The following STK39 variants were observed in gnomAD, a reference collection of about 807,000 sequenced individuals.
STK39 encodes the protein serine/threonine kinase 39.
STK39 carries 20 observed loss-of-function variants against 77.8 expected under a neutral mutation model. The observed-to-expected ratio is 0.26, with a 90% CI of 0.18 to 0.37. The LOEUF (loss-of-function observed/expected upper bound fraction) is 0.37. Ranked by LOEUF, STK39 falls within the 10% of genes least tolerant of loss-of-function variation. The pLI is 1.00. For synonymous variants in STK39, 246 were observed against 234.1 expected (o/e 1.05, Z -0.47); for missense variants, 479 against 656.5 (o/e 0.73, Z 2.95).
rs545837415 is a variant in STK39 at position 168,102,493 on chromosome 2, G to A, written c.1089+27048C>T. 1.2e-4 allele frequency among the ~76,000 whole-genome samples: 18 copies of A among 152,274 alleles called. No individual in the cohort carries two copies. The South Asian group carries it at 3.7e-3, about 32-fold the overall frequency. ...GTTCAGTGACTGATTAAAGATAAAA[G>A]TCATATGCAGATTCTGCACTCTCCA... On this transcript the variant is annotated intron_variant, in intron 10 of 17. Coordinates refer to ENST00000355999, the MANE Select transcript of STK39 (RefSeq NM_013233.3).
chr2:168,084,833 A>T (rs1559089511), intron 10 of STK39, among the ~76,000 whole-genome samples: 1 of 152,234 alleles, frequency 6.6e-6, no homozygotes, highest in African/African-American at 2.4e-5. Context: ...CCCAGGGTGA[A>T]ACTGCACAAC....
intron 10 of STK39, among the ~76,000 whole-genome samples, chr2:168,086,912 C>T (rs1370873518): frequency 6.6e-6 from 1 of 152,184 alleles, no homozygotes; most frequent in African/African-American, 2.4e-5. Flanking sequence ...TCCAATATGG[C>T]ATTTCCCCAA....
At chr2:168,009,907 C>A (rs1162312675) in intron 16 of STK39, among the ~76,000 whole-genome samples, 1 of 152,142 alleles carries the variant, frequency 6.6e-6, no homozygotes, top group African/African-American at 2.4e-5. Flanking sequence ...ATGAAGTCTG[C>A]CTTAATTTCC....
At position 168,061,939 on chromosome 2, in the gene STK39, C is replaced by T. The variant is rs1685675961; in HGVS notation, c.1376+1561G>A. ...ATATTTGCACTAAGGGGGAGAATTA[C>T]AGCCCATAGGAGCCCAGAACAGAAA... On this transcript the variant is annotated intron_variant, in intron 14 of 17. Coordinates refer to ENST00000355999, the MANE Select transcript of STK39 (RefSeq NM_013233.3). Among the ~76,000 whole-genome samples, 2 of 152,146 alleles carry T rather than the reference C, an allele frequency of 1.3e-5. 1 individual carries two copies. Among genetic ancestry groups the T allele is most frequent in the South Asian group, 4.1e-4 (2 of 4,826 alleles).
rs187263306 is a variant in STK39 at position 168,055,547 on chromosome 2, A to T, written c.1376+7953T>A. On this transcript the variant is annotated intron_variant, in intron 14 of 17. Transcript: ENST00000355999. ...TCCCTCAAGGTCCAATGATACTGCT[A>T]CATAATAACAAGGTAAATTCATGAT... Among the ~76,000 whole-genome samples the T allele has an allele frequency of 1.3e-3, 192 of 152,342 alleles. 1 individual carries two copies. The highest frequency in any genetic ancestry group is 2.2e-3 in the Non-Finnish European group (150 of 68,040).
intron 14 of STK39, among the ~76,000 whole-genome samples, chr2:168,055,129 T>C (rs1685490826): frequency 6.6e-6 from 1 of 152,190 alleles, no homozygotes; most frequent in Non-Finnish European, 1.5e-5. Context: ...CTGAACACTA[T>C]GCCTACACTA....
At chr2:168,139,360 C>A (rs1458285322) in intron 7 of STK39, among the ~76,000 whole-genome samples, 1 of 150,542 alleles carries the variant, frequency 6.6e-6, no homozygotes, top group Non-Finnish European at 1.5e-5. Context: ...GGTATATGTA[C>A]CCACACACAC....
At chr2:167,960,517 TG>T (rs1691922795) in intron 17 of STK39, among the ~76,000 whole-genome samples, 1 of 152,148 alleles carries the variant, frequency 6.6e-6, no homozygotes, top group African/African-American at 2.4e-5. Context: ...GATAACAGTT[TG>T]CCTCCCCTGC....
At position 167,956,700 on chromosome 2, in the gene STK39, T is replaced by TCA. The variant is rs1261561220; in HGVS notation, c.1564-1131_1564-1130insTG. Reference sequence around the variant, plus strand: ...CACACACACACACACACACACACTCTCTCTCTCTCTCTCTCTCTCTCTCTC... The same window carrying TCA: ...CACACACACACACACACACACACTCTCACTCTCTCTCTCTCTCTCTCTCTCTC... On this transcript the variant is annotated intron_variant, in intron 17 of 17. Coordinates refer to ENST00000355999, the MANE Select transcript of STK39 (RefSeq NM_013233.3). Among the ~76,000 whole-genome samples the TCA allele has an allele frequency of 7.4e-4, 54 of 73,370 alleles. 1 individual carries two copies. Among genetic ancestry groups the TCA allele is most frequent in the East Asian group, 9.6e-4 (3 of 3,118 alleles). The allele number at this position is 73,370 out of a possible 152,430, so 48.1% of individuals were successfully genotyped here.
At chr2:168,141,026 T>C (rs1208026785) in intron 5 of STK39, among the ~76,000 whole-genome samples, 1 of 152,196 alleles carries the variant, frequency 6.6e-6, no homozygotes, top group Non-Finnish European at 1.5e-5. Flanking sequence ...TGTTAGCTTT[T>C]AGCTGAGGTA....
At chr2:168,094,873 C>T (rs1449722863) in intron 10 of STK39, among the ~76,000 whole-genome samples, 1 of 152,158 alleles carries the variant, frequency 6.6e-6, no homozygotes, top group African/African-American at 2.4e-5. Context: ...CCCTGCAAAC[C>T]AGGCCCCCTC....
intron 7 of STK39, among the ~76,000 whole-genome samples, chr2:168,139,801 C>T: frequency 6.6e-6 from 1 of 152,004 alleles, no homozygotes; most frequent in East Asian, 1.9e-4. Context: ...AAAATAGCAT[C>T]CTAAAAACAC....
chr2:168,209,277 T>C (rs530433728), intron 1 of STK39, among the ~76,000 whole-genome samples: 83 of 152,244 alleles, frequency 5.5e-4, no homozygotes, highest in Admixed American at 1.8e-3. Context: ...TGATGGAAAA[T>C]ACAGAGACCA....
chr2:168,018,402 A>G (rs1684469153), intron 14 of STK39, among the ~76,000 whole-genome samples: 1 of 152,002 alleles, frequency 6.6e-6, no homozygotes, highest in African/African-American at 2.4e-5. Context: ...CAGGAGGCTG[A>G]GGCAGGAGAA....
At chr2:168,242,361 T>G (rs1348409409) in intron 1 of STK39, among the ~76,000 whole-genome samples, 1 of 150,116 alleles carries the variant, frequency 6.7e-6, no homozygotes, top group Non-Finnish European at 1.5e-5. Flanking sequence ...CAGGAGTTTG[T>G]GACCAGCCTG....
chr2:168,123,473 A>G (rs973777340), intron 10 of STK39, among the ~76,000 whole-genome samples: 1 of 152,206 alleles, frequency 6.6e-6, no homozygotes, highest in African/African-American at 2.4e-5. Context: ...TCTGCAACCT[A>G]CTGTGGAATG....
Position 168,011,231 on chromosome 2 carries a change from G to A in STK39, c.1498+1403C>T, listed in dbSNP as rs557831046. On this transcript the variant is annotated intron_variant, in intron 16 of 17. Transcript: ENST00000355999. ...CGAGAATTGCTTGGACACGGGAGGC[G>A]GAGGTTGCAGTGGGCCGAGATTACA... Among the ~76,000 whole-genome samples, 134 of 151,914 alleles carry A rather than the reference G, an allele frequency of 8.8e-4. 1 individual carries two copies. Among genetic ancestry groups the A allele is most frequent in the African/African-American group, 2.9e-3 (120 of 41,336 alleles).
intron 14 of STK39, among the ~76,000 whole-genome samples, chr2:168,031,489 C>A (rs1459701087): frequency 6.6e-6 from 1 of 152,126 alleles, no homozygotes; most frequent in Non-Finnish European, 1.5e-5. Context: ...GGGCTGAACA[C>A]ACAGTTCAGA....
intron 14 of STK39, among the ~76,000 whole-genome samples, chr2:168,055,187 C>T (rs145153879): frequency 6.0e-4 from 91 of 152,226 alleles, no homozygotes; most frequent in African/African-American, 1.9e-3. Flanking sequence ...GCCACTTGAC[C>T]GGTAAGAATT....
Sources: gnomAD v4.1 joint callset for allele counts (sites outside exome capture counted in the v4.1 genomes callset) on GRCh38, gnomAD v4.1.1 for gene constraint, MANE v1.5 for transcripts, NCBI Gene and HGNC (gene_info 2026-07-23, HGNC 2026-07-21) for gene names.